CSMD3: variants seen among roughly 807,000 people sequenced by gnomAD.
CSMD3 encodes CUB and sushi domain-containing protein 3.
Under a neutral mutation model 435.2 loss-of-function variants are expected in CSMD3, and 177 were observed. The observed-to-expected ratio is 0.41, with a 90% CI of 0.36 to 0.46. CSMD3 has a LOEUF of 0.46. Ranked by LOEUF, CSMD3 falls within the 20% of genes least tolerant of loss-of-function variation. The probability of loss-of-function intolerance (pLI) is 0.34; values close to 1 mark genes in which losing one functional copy is unlikely to be tolerated. For missense variants in CSMD3, 4,265 were observed against 4,504.6 expected, an observed-to-expected ratio of 0.95 and a Z score of 1.52; for synonymous variants, 1,656 against 1,520.5, an observed-to-expected ratio of 1.09 and a Z score of -2.07.
intron 27 of CSMD3, among the ~76,000 whole-genome samples, chr8:112,547,618 T>G (rs1246914363): frequency 6.6e-6 from 1 of 152,088 alleles, no homozygotes; most frequent in Non-Finnish European, 1.5e-5. Context: ...TGGTCTTTAT[T>G]TGGGGAAAAA....
At position 112,506,674 on chromosome 8, in the gene CSMD3, A is replaced by T. The variant is rs371324232; in HGVS notation, c.4895+17T>A. 3.8e-4 allele frequency: 618 copies of T among 1,612,246 alleles called. No individual in the cohort carries two copies. Among genetic ancestry groups the T allele is most frequent in the Non-Finnish European group, 5.0e-4 (584 of 1,178,550 alleles). On this transcript the variant is annotated intron_variant, in intron 29 of 70. Transcript: ENST00000297405. ...AATATATTTTTTTAACGTGGAAATA[A>T]ATATATAAGAACTCACCTGATGAAC...
chr8:112,636,071 A>C (rs1422306718), intron 22 of CSMD3, among the ~76,000 whole-genome samples: 1 of 152,174 alleles, frequency 6.6e-6, no homozygotes, highest in Non-Finnish European at 1.5e-5. Context: ...AACAGCAAGA[A>C]GTTTTTGGCC....
intron 3 of CSMD3, among the ~76,000 whole-genome samples, chr8:113,241,878 C>A (rs566724021): frequency 6.6e-6 from 1 of 151,646 alleles, no homozygotes; most frequent in South Asian, 2.1e-4. Context: ...CCTTTTTGTC[C>A]ATGATAGGTC....
At chr8:113,175,425 C>A (rs546298181) in intron 3 of CSMD3, among the ~76,000 whole-genome samples, 129 of 151,786 alleles carry the variant, frequency 8.5e-4, no homozygotes, top group African/African-American at 2.9e-3. Context: ...TAAATGGTTT[C>A]AATAGACAAT....
intron 32 of CSMD3, among the ~76,000 whole-genome samples, chr8:112,471,781 T>A (rs1332302625): frequency 6.6e-6 from 1 of 152,144 alleles, no homozygotes; most frequent in African/African-American, 2.4e-5. Context: ...GGCCCAGACA[T>A]TCCTCATAGT....
At chr8:113,056,026 G>C (rs955058686) in intron 5 of CSMD3, among the ~76,000 whole-genome samples, 2 of 152,140 alleles carry the variant, frequency 1.3e-5, no homozygotes, top group Non-Finnish European at 2.9e-5. Flanking sequence ...CCTGAAAGAG[G>C]ATAAGGTAGT....
At chr8:113,218,164 G>C (rs1157735215) in intron 3 of CSMD3, among the ~76,000 whole-genome samples, 1 of 149,442 alleles carries the variant, frequency 6.7e-6, no homozygotes, top group Non-Finnish European at 1.5e-5. Context: ...TAAGCTCTAA[G>C]TGAATTTTTT....
intron 35 of CSMD3, among the ~76,000 whole-genome samples, chr8:112,405,638 T>G (rs1378992437): frequency 1.3e-5 from 2 of 151,906 alleles, no homozygotes; most frequent in African/African-American, 2.4e-5. Flanking sequence ...GCTAACCTTA[T>G]GCATTTTACT....
chr8:113,065,875 T>C (rs1189463968), intron 5 of CSMD3, among the ~76,000 whole-genome samples: 1 of 152,050 alleles, frequency 6.6e-6, no homozygotes, highest in Non-Finnish European at 1.5e-5. Context: ...TATATTAGTA[T>C]TGGTATCTTT....
rs778119925 is a variant in CSMD3 at position 112,685,616 on chromosome 8, G to A, written c.2272C>T (p.Arg758Trp). 4 of 1,613,536 alleles carry A rather than the reference G, an allele frequency of 2.5e-6. No individual in the cohort carries two copies. Among genetic ancestry groups the A allele is most frequent in the Non-Finnish European group, 3.4e-6 (4 of 1,179,592 alleles). Reference protein sequence around the residue: ...IWTIISDPGSRIHLSFNDFDL... With the variant: ...IWTIISDPGSWIHLSFNDFDL... ...AAGTCATTGAAAGAAAGATGTATCCGGCTCCCTGGATCAGAGATTATCGTC... is the reference window on the plus strand; with the variant it reads ...AAGTCATTGAAAGAAAGATGTATCCAGCTCCCTGGATCAGAGATTATCGTC... Residue 758 changes from arginine to tryptophan, a missense_variant, in exon 15 of 71, where the codon CGG becomes TGG. Arg to Trp is a moderately radical substitution (Grantham distance 101). Transcript: ENST00000297405.
At chr8:113,361,546 A>AT (rs1491110241) in intron 1 of CSMD3, among the ~76,000 whole-genome samples, 4 of 152,108 alleles carry the variant, frequency 2.6e-5, no homozygotes, top group African/African-American at 9.7e-5. Context: ...CATTGAAATC[A>AT]TATGTTTCCA....
chr8:112,234,169 C>CAT (rs555422687), intron 68 of CSMD3, among the ~76,000 whole-genome samples, 196 bp downstream of exon 68: 317 of 151,708 alleles, frequency 2.1e-3, no homozygotes, highest in African/African-American at 7.4e-3. Flanking sequence ...CACACACACA[C>CAT]GACAAAAGTA....
At chr8:112,603,804 T>C (rs1832571975) in intron 22 of CSMD3, among the ~76,000 whole-genome samples, 1 of 152,130 alleles carries the variant, frequency 6.6e-6, no homozygotes, top group Non-Finnish European at 1.5e-5. Context: ...AAAAATTGCA[T>C]ATTAGTGAAC....
At chr8:112,414,371 G>T (rs1811683843) in intron 32 of CSMD3, among the ~76,000 whole-genome samples, 1 of 152,058 alleles carries the variant, frequency 6.6e-6, no homozygotes, top group Non-Finnish European at 1.5e-5. Flanking sequence ...TAAGCATCTG[G>T]CATTCCCCCT....
chr8:112,429,250 G>A (rs1813407065), intron 32 of CSMD3, among the ~76,000 whole-genome samples: 2 of 151,924 alleles, frequency 1.3e-5, no homozygotes, highest in Admixed American at 6.6e-5. Context: ...CTAATTCTGT[G>A]AAATTGACGT....
At chr8:112,400,966 G>A (rs1341093333) in intron 35 of CSMD3, among the ~76,000 whole-genome samples, 1 of 152,110 alleles carries the variant, frequency 6.6e-6, no homozygotes, top group Non-Finnish European at 1.5e-5. Flanking sequence ...CAGTACTTTG[G>A]GAGGCCGAGG....
intron 27 of CSMD3, among the ~76,000 whole-genome samples, chr8:112,528,303 A>G (rs921324848): frequency 2.6e-5 from 4 of 152,192 alleles, no homozygotes; most frequent in African/African-American, 9.6e-5. Flanking sequence ...ATTCATTAAA[A>G]AAAACCAAGT....
intron 2 of CSMD3, among the ~76,000 whole-genome samples, chr8:113,308,305 G>A (rs1267521520): frequency 9.3e-6 from 1 of 106,990 alleles, no homozygotes; most frequent in Non-Finnish European, 1.7e-5. Flanking sequence ...GTCTCGCTCC[G>A]TCACCCAGGC....
At chr8:112,267,453 A>G (rs898663249) in intron 59 of CSMD3, among the ~76,000 whole-genome samples, 1 of 152,178 alleles carries the variant, frequency 6.6e-6, no homozygotes, top group African/African-American at 2.4e-5. Flanking sequence ...TCATGTACCG[A>G]CAATACGTCA....
Sources: gnomAD v4.1 joint callset for allele counts (sites outside exome capture counted in the v4.1 genomes callset) on GRCh38, gnomAD v4.1.1 for gene constraint, MANE v1.5 for transcripts, NCBI Gene and HGNC (gene_info 2026-07-23, HGNC 2026-07-21) for gene names.